Variants in TMEM106B observed in about 807,000 individuals in gnomAD.
The protein encoded by TMEM106B is transmembrane protein 106B.
Under a neutral mutation model 31.1 loss-of-function variants are expected in TMEM106B, and 15 were observed. The ratio of observed to expected loss-of-function variants is 0.48; its 90% CI spans 0.32 to 0.74. The LOEUF is 0.74. TMEM106B is among the 30% of genes least tolerant of loss of function. TMEM106B has a pLI of 0.03. For synonymous variants in TMEM106B, 126 were observed against 112.5 expected, an observed-to-expected ratio of 1.12 and a Z score of -0.76; for missense variants, 283 against 327.3, an observed-to-expected ratio of 0.86 and a Z score of 1.04.
At chr7:12,223,199 AAG>A (rs762116161) in intron 3 of TMEM106B, among the ~76,000 whole-genome samples, 1 of 152,222 alleles carries the variant, frequency 6.6e-6, no homozygotes, top group African/African-American at 2.4e-5. Context: ...TGATTAGAAA[AAG>A]AAATGTAACA....
intron 3 of TMEM106B, among the ~76,000 whole-genome samples, chr7:12,223,150 AT>A (rs2128525726): frequency 6.6e-6 from 1 of 152,218 alleles, no homozygotes; most frequent in African/African-American, 2.4e-5. Flanking sequence ...TTACCTACAA[AT>A]TTTTCCTTGT....
At chr7:12,230,732 A>T in intron 6 of TMEM106B, 1 of 306,544 alleles carries the variant, frequency 3.3e-6, no homozygotes, top group South Asian at 9.7e-5. Context: ...AAATAATTAT[A>T]AATTTTCATC....
chr7:12,225,267 T>C (rs1299223219), intron 4 of TMEM106B, among the ~76,000 whole-genome samples: 2 of 152,222 alleles, frequency 1.3e-5, no homozygotes, highest in Admixed American at 6.5e-5. Flanking sequence ...CAGTCTATAA[T>C]TGATGGACAT....
rs1243774845 is a variant in TMEM106B, at chr7:12,232,919, T to C, written c.*944T>C. 1 of 151,864 alleles carries C rather than the reference T, an allele frequency of 6.6e-6. No individual in the cohort carries two copies. Among genetic ancestry groups the C allele is most frequent in the East Asian group, 1.9e-4 (1 of 5,192 alleles). The allele number at this position is 151,864 out of a possible 1,614,324, so 9.4% of individuals were successfully genotyped here. ...ATGCTCCATTTTTTTATGTTGCTTT[T>C]CATACTAAAGAATGGTGTAGACATG... is the stretch of plus-strand genomic sequence containing the variant. On this transcript the variant is annotated 3_prime_UTR_variant, in exon 8 of 8. Coordinates refer to ENST00000396668, the MANE Select transcript of TMEM106B (RefSeq NM_001134232.2).
At chr7:12,211,795 C>T (rs1401432490) in intron 1 of TMEM106B, among the ~76,000 whole-genome samples, 2 of 152,192 alleles carry the variant, frequency 1.3e-5, no homozygotes, top group Non-Finnish European at 2.9e-5. Flanking sequence ...TTCAAAGGCG[C>T]TTGTTTCCTT....
intron 2 of TMEM106B, among the ~76,000 whole-genome samples, chr7:12,216,446 A>G (rs1226510886): frequency 2.0e-5 from 3 of 152,030 alleles, no homozygotes; most frequent in African/African-American, 7.2e-5. Context: ...TTAGACATGG[A>G]TATTTGGAGA....
chr7:12,225,088 A>T (rs1019098878), intron 4 of TMEM106B, among the ~76,000 whole-genome samples: 1 of 152,026 alleles, frequency 6.6e-6, no homozygotes, highest in Non-Finnish European at 1.5e-5. Flanking sequence ...TCATTGTTCA[A>T]TTCCCACCTA....
intron 3 of TMEM106B, 132 bp downstream of exon 3, chr7:12,218,653 A>G: frequency 1.4e-6 from 1 of 712,516 alleles, no homozygotes. Flanking sequence ...TTATGTCATC[A>G]TATGCTTTGT....
At chr7:12,223,326 G>C (rs988097768) in intron 3 of TMEM106B, among the ~76,000 whole-genome samples, 6 of 143,566 alleles carry the variant, frequency 4.2e-5, no homozygotes, top group African/African-American at 1.6e-4. Context: ...TCATTGATGA[G>C]CCATGTGGTT....
intron 4 of TMEM106B, among the ~76,000 whole-genome samples, chr7:12,228,324 C>T (rs905635982): frequency 2.0e-5 from 3 of 151,840 alleles, no homozygotes; most frequent in Admixed American, 1.3e-4. Context: ...TTCCTATTAA[C>T]ATTTATGTAT....
chr7:12,222,197 T>C (rs1022994498), intron 3 of TMEM106B, among the ~76,000 whole-genome samples: 22 of 152,328 alleles, frequency 1.4e-4, no homozygotes, highest in South Asian at 4.1e-4. Flanking sequence ...ATTGCAGATA[T>C]ACCACACAAC....
intron 2 of TMEM106B, 51 bp downstream of exon 2, chr7:12,215,078 A>G (rs1424673455): frequency 6.6e-7 from 1 of 1,514,998 alleles, no homozygotes. Flanking sequence ...GTATTTGCTC[A>G]AGTATTATAA....
intron 1 of TMEM106B, among the ~76,000 whole-genome samples, chr7:12,211,717 G>A (rs1325152034): frequency 1.3e-5 from 2 of 152,226 alleles, no homozygotes; most frequent in African/African-American, 2.4e-5. Flanking sequence ...TGTTCTTGCC[G>A]TGGTGCCGGG....
intron 7 of TMEM106B, 38 bp from the exon 8 acceptor site, chr7:12,231,799 A>G (rs1413461151): frequency 2.0e-6 from 3 of 1,521,324 alleles, no homozygotes; most frequent in Non-Finnish European, 1.8e-6. Flanking sequence ...CTTCTAATAT[A>G]ACTATTAAAT....
chr7:12,230,664 T>G lies in TMEM106B; in HGVS notation c.632+226T>G, dbSNP rs574563818. On this transcript the variant is annotated intron_variant, in intron 6 of 7. Coordinates refer to ENST00000396668, the MANE Select transcript of TMEM106B (RefSeq NM_001134232.2). Reference sequence around the variant, plus strand: ...TATTTATTTTTCAGAATTAGGGTTATACCATGTCACTTTATTTTTCATTAC... The same window carrying G: ...TATTTATTTTTCAGAATTAGGGTTAGACCATGTCACTTTATTTTTCATTAC... 23 of 366,734 alleles carry G rather than the reference T, an allele frequency of 6.3e-5. No individual in the cohort carries two copies. The South Asian group carries it at 1.5e-3, about 23-fold the overall frequency. The allele number at this position is 366,734 out of a possible 1,614,324, so 22.7% of individuals were successfully genotyped here.
Position 12,218,534 on chromosome 7 carries a change from A to T in TMEM106B, c.281+13A>T, listed in dbSNP as rs1459245066. On this transcript the variant is annotated intron_variant, in intron 3 of 7. Coordinates refer to ENST00000396668, the MANE Select transcript of TMEM106B (RefSeq NM_001134232.2). The stretch of plus-strand genomic sequence containing the variant: ...GGCCAAGAAGAACGTAAGTGATTCT[A>T]AGAATATGGCAGTGTTTTATGTTTT... 6.2e-7 allele frequency: 1 copy of T among 1,602,992 alleles called. No individual in the cohort carries two copies. Among genetic ancestry groups the T allele is most frequent in the Non-Finnish European group, 8.5e-7 (1 of 1,172,784 alleles).
At position 12,235,721 on chromosome 7, in the gene TMEM106B, TA is replaced by T. The variant is rs1782119055; in HGVS notation, c.*3747del. Reference sequence around the variant, plus strand: ...AATAAACAGTTCTTTATATAATAATTATATTTTATTTAAGAAAATAGTTTGT... The same window carrying T: ...AATAAACAGTTCTTTATATAATAATTTATTTTATTTAAGAAAATAGTTTGT... On this transcript the variant is annotated 3_prime_UTR_variant, in exon 8 of 8. Transcript: ENST00000396668. 1 of 151,720 alleles carries T rather than the reference TA, an allele frequency of 6.6e-6. No individual in the cohort carries two copies. Among genetic ancestry groups the T allele is most frequent in the Non-Finnish European group, 1.5e-5 (1 of 67,804 alleles). The allele number at this position is 151,720 out of a possible 1,614,324, so 9.4% of individuals were successfully genotyped here. A position where few individuals can be genotyped will look rare whatever the true frequency, so the allele number is the denominator to read the frequency against.
chr7:12,221,818 G>A (rs1781794345), intron 3 of TMEM106B, among the ~76,000 whole-genome samples: 1 of 152,182 alleles, frequency 6.6e-6, no homozygotes, highest in African/African-American at 2.4e-5. Flanking sequence ...TAGAGAGCTG[G>A]AGAGGGTGCT....
chr7:12,237,437 C>G lies in TMEM106B; in HGVS notation c.*5462C>G, dbSNP rs1782160132. ...CTTCCAATCAGTACTCAAGCTTTAT[C>G]CATTCTACCTCTGTAATGTCTCTGG... On this transcript the variant is annotated 3_prime_UTR_variant, in exon 8 of 8. Coordinates refer to ENST00000396668, the MANE Select transcript of TMEM106B (RefSeq NM_001134232.2). 6.6e-6 allele frequency: 1 copy of G among 152,008 alleles called. No homozygotes were observed. Among genetic ancestry groups the G allele is most frequent in the Admixed American group, 6.6e-5 (1 of 15,234 alleles). 9.4% of individuals were successfully genotyped at this position (152,008 alleles called of 1,614,324 possible). A position where few individuals can be genotyped will look rare whatever the true frequency, so the allele number is the denominator to read the frequency against.
Sources: allele counts gnomAD v4.1 joint callset (sites outside exome capture counted in the v4.1 genomes callset), GRCh38; gene constraint gnomAD v4.1.1; transcripts MANE v1.5; gene names NCBI Gene and HGNC (gene_info 2026-07-23, HGNC 2026-07-21).